The following ONECUT1 variants were observed in gnomAD, a reference collection of about 807,000 sequenced individuals.
ONECUT1 encodes one cut homeobox 1.
A neutral mutation model predicts 25.6 loss-of-function variants in ONECUT1; 12 were observed. That is an observed-to-expected ratio of 0.47 (90% CI 0.30 to 0.76). The LOEUF is 0.76. Among genes scored for constraint, ONECUT1 ranks in the 30% least tolerant of loss-of-function variants. The pLI is 0.07. For synonymous variants in ONECUT1, 285 were observed against 270.2 expected (o/e 1.05, Z -0.54); for missense variants, 620 against 651.2 (o/e 0.95, Z 0.52).
At chr15:52,780,649 C>T in intron 1 of ONECUT1, 1 of 1,534,764 alleles carries the variant, frequency 6.5e-7, no homozygotes. Flanking sequence ...TTAGCCACTC[C>T]TCTCACGCAC....
At chr15:52,786,689 C>G (rs953161551) in intron 1 of ONECUT1, among the ~76,000 whole-genome samples, 7 of 152,228 alleles carry the variant, frequency 4.6e-5, no homozygotes, top group Non-Finnish European at 1.0e-4. Flanking sequence ...TAGCTCTCCA[C>G]GCTTGGAGGT....
intron 1 of ONECUT1, among the ~76,000 whole-genome samples, chr15:52,767,895 G>A (rs1429589892): frequency 1.3e-5 from 2 of 152,126 alleles, no homozygotes; most frequent in Admixed American, 1.3e-4. Flanking sequence ...CAGCAACACG[G>A]TTGGAACTGG....
At chr15:52,763,312 A>G (rs1317638118) in intron 1 of ONECUT1, among the ~76,000 whole-genome samples, 1 of 152,170 alleles carries the variant, frequency 6.6e-6, no homozygotes, top group Non-Finnish European at 1.5e-5. Context: ...TGGAGGAGGT[A>G]GAAGTAGGCA....
At chr15:52,778,544 T>C (rs1596054189) in intron 1 of ONECUT1, among the ~76,000 whole-genome samples, 1 of 152,242 alleles carries the variant, frequency 6.6e-6, no homozygotes, top group East Asian at 1.9e-4. Flanking sequence ...TACTTTCGTT[T>C]CCACCAGTAG....
At position 52,789,661 on chromosome 15, in the gene ONECUT1, G is replaced by A; in HGVS notation, c.224C>T (p.Pro75Leu). ...CAGGGGGCCGGCCAGGCTGTGCTCA[G>A]GGGCCCGGTGGTGGTGGTGGTAATC... Reference protein sequence around the residue: ...GGDYHHHHRAPEHSLAGPLHP... With the variant: ...GGDYHHHHRALEHSLAGPLHP... Residue 75 changes from proline (P) to leucine (L), a missense_variant, in exon 1 of 2, where the codon CCT becomes CTT. Pro to Leu is a moderately conservative substitution (Grantham distance 98, BLOSUM62 -3). Transcript: ENST00000305901. This position sits in a 1 kb window ranked among gnomAD's most constrained non-coding sequence, Gnocchi z 4.1. 1 of 1,534,174 alleles carries A rather than the reference G, an allele frequency of 6.5e-7. No individual in the cohort carries two copies. The highest frequency in any genetic ancestry group is 1.3e-5 in the South Asian group (1 of 78,806).
chr15:52,783,537 A>G (rs2440320), intron 1 of ONECUT1, among the ~76,000 whole-genome samples: 149,713 of 152,356 alleles, frequency 0.98, 73,569 homozygotes, highest in Middle Eastern at 1. Flanking sequence ...AGGGCTCCAG[A>G]CCAGTCGGCC....
intron 1 of ONECUT1, among the ~76,000 whole-genome samples, chr15:52,779,918 T>C (rs1450809378): frequency 6.6e-6 from 1 of 152,212 alleles, no homozygotes; most frequent in South Asian, 2.1e-4. Context: ...TCTGTCTCCA[T>C]CCATCAGACA....
intron 1 of ONECUT1, among the ~76,000 whole-genome samples, chr15:52,786,684 C>G (rs2083877225): frequency 6.6e-6 from 1 of 152,222 alleles, no homozygotes; most frequent in African/African-American, 2.4e-5. Context: ...CTATGTAGCT[C>G]TCCACGCTTG....
intron 1 of ONECUT1, among the ~76,000 whole-genome samples, chr15:52,775,452 AAC>A (rs139797470): frequency 0.048 from 6,819 of 140,754 alleles, 330 homozygotes; most frequent in African/African-American, 0.13. Context: ...TTTAAAGAGG[AAC>A]ACACACACAC....
chr15:52,757,927 G>C lies in ONECUT1; in HGVS notation c.1106-80C>G, dbSNP rs866317374. 3.4e-5 allele frequency: 50 copies of C among 1,473,970 alleles called. No homozygotes were observed. In the Middle Eastern group the frequency reaches 1.5e-3, roughly 43 times the overall value. The allele number at this position is 1,473,970 out of a possible 1,614,324, so 91.3% of individuals were successfully genotyped here. On this transcript the variant is annotated intron_variant, in intron 1 of 1. Coordinates refer to ENST00000305901, the MANE Select transcript of ONECUT1 (RefSeq NM_004498.4). ...TAGAAAGACAGAGCTCATAAAATTTGTTAGCCATTCCTCATGGCCTGCTTT... is the reference window on the plus strand; with the variant it reads ...TAGAAAGACAGAGCTCATAAAATTTCTTAGCCATTCCTCATGGCCTGCTTT...
At chr15:52,761,542 G>A (rs1249603372) in intron 1 of ONECUT1, among the ~76,000 whole-genome samples, 2 of 152,158 alleles carry the variant, frequency 1.3e-5, no homozygotes, top group Non-Finnish European at 2.9e-5. Flanking sequence ...ATGGTGGCAG[G>A]TGCCTGTAAT....
At chr15:52,767,907 C>T (rs969158693) in intron 1 of ONECUT1, among the ~76,000 whole-genome samples, 19 of 152,028 alleles carry the variant, frequency 1.2e-4, no homozygotes, top group Non-Finnish European at 1.8e-4. Flanking sequence ...TGGAACTGGA[C>T]GGTATTACGT....
At chr15:52,783,689 T>C (rs1436408614) in intron 1 of ONECUT1, among the ~76,000 whole-genome samples, 1 of 152,256 alleles carries the variant, frequency 6.6e-6, no homozygotes, top group Admixed American at 6.5e-5. Flanking sequence ...CCGGGTATTA[T>C]ATCCCTCAGC....
At chr15:52,785,996 T>G (rs2083872373) in intron 1 of ONECUT1, 1 of 152,196 alleles carries the variant, frequency 6.6e-6, no homozygotes, top group Admixed American at 6.5e-5. Flanking sequence ...CCGAGCTCAG[T>G]GAGCCCTGAC....
At chr15:52,759,111 T>C (rs1269722374) in intron 1 of ONECUT1, among the ~76,000 whole-genome samples, 2 of 152,138 alleles carry the variant, frequency 1.3e-5, no homozygotes, top group African/African-American at 4.8e-5. Flanking sequence ...ATCATGACCA[T>C]AGTGGAAGAT....
At chr15:52,786,530 G>C (rs1485470419) in intron 1 of ONECUT1, among the ~76,000 whole-genome samples, 1 of 152,258 alleles carries the variant, frequency 6.6e-6, no homozygotes, top group Non-Finnish European at 1.5e-5. Flanking sequence ...GACCTCTACA[G>C]GTTGCTGGGT....
At chr15:52,785,424 C>T (rs1165641355) in intron 1 of ONECUT1, among the ~76,000 whole-genome samples, 1 of 152,180 alleles carries the variant, frequency 6.6e-6, no homozygotes, top group Non-Finnish European at 1.5e-5. Flanking sequence ...CCGCCAACTC[C>T]CCCGCGGGGT....
At chr15:52,777,001 A>C (rs750945765) in intron 1 of ONECUT1, among the ~76,000 whole-genome samples, 20 of 152,194 alleles carry the variant, frequency 1.3e-4, no homozygotes, top group Admixed American at 2.0e-4. Flanking sequence ...TTCCCAGGTG[A>C]GGTCGATGTT....
intron 1 of ONECUT1, among the ~76,000 whole-genome samples, chr15:52,763,549 T>G (rs2083717884): frequency 6.6e-6 from 1 of 152,170 alleles, no homozygotes; most frequent in Non-Finnish European, 1.5e-5. Context: ...AGTTGTGAGG[T>G]CAAGTTGGTT....
Sources: allele counts gnomAD v4.1 joint callset (sites outside exome capture counted in the v4.1 genomes callset), GRCh38; gene constraint gnomAD v4.1.1; non-coding constraint Gnocchi (gnomAD v3.1); transcripts MANE v1.5; gene names NCBI Gene and HGNC (gene_info 2026-07-23, HGNC 2026-07-21).